The following PCNX2 variants were observed in gnomAD, a reference collection of about 807,000 sequenced individuals.
PCNX2 encodes pecanex 2, also known as pecanex-like protein 2.
PCNX2 carries 168 observed loss-of-function variants against 223.8 expected under a neutral mutation model. The observed-to-expected ratio is 0.75, with a 90% CI of 0.66 to 0.85. The LOEUF (loss-of-function observed/expected upper bound fraction) is 0.85. Among genes scored for constraint, PCNX2 ranks in the 40% least tolerant of loss-of-function variants. The pLI, the probability that PCNX2 is intolerant of heterozygous loss-of-function variation, is 0.00. For missense variants in PCNX2, 2,507 were observed against 2,675.5 expected, an observed-to-expected ratio of 0.94 and a Z score of 1.39; for synonymous variants, 1,006 against 1,052.6, an observed-to-expected ratio of 0.96 and a Z score of 0.86.
At chr1:233,017,377 G>A (rs1340454895) in intron 26 of PCNX2, among the ~76,000 whole-genome samples, 3 of 143,576 alleles carry the variant, frequency 2.1e-5, no homozygotes, top group Non-Finnish European at 4.5e-5. Context: ...GAGTGCAGCG[G>A]TGCGATCTCG....
intron 23 of PCNX2, among the ~76,000 whole-genome samples, chr1:233,077,981 A>T (rs1673173154): frequency 6.6e-6 from 1 of 152,234 alleles, no homozygotes; most frequent in Admixed American, 6.5e-5. Context: ...TATTCACATT[A>T]TATATTAATT....
chr1:233,116,124 G>A (rs1675392950), intron 21 of PCNX2, among the ~76,000 whole-genome samples: 1 of 151,768 alleles, frequency 6.6e-6, no homozygotes, highest in African/African-American at 2.4e-5. Flanking sequence ...TGCAAAATAT[G>A]TGAAGCAGGA....
chr1:233,273,292 T>C (rs1660742033), intron 1 of PCNX2, among the ~76,000 whole-genome samples: 1 of 152,002 alleles, frequency 6.6e-6, no homozygotes, highest in Non-Finnish European at 1.5e-5. Flanking sequence ...CACATTCTGC[T>C]TAACAAACAA....
chr1:233,067,069 A>G (rs1234519488), intron 23 of PCNX2, among the ~76,000 whole-genome samples: 1 of 152,098 alleles, frequency 6.6e-6, no homozygotes, highest in Admixed American at 6.6e-5. Flanking sequence ...AAAGTAACAA[A>G]GCAGCAACCC....
intron 23 of PCNX2, among the ~76,000 whole-genome samples, chr1:233,079,467 G>A (rs1558211344): frequency 6.7e-6 from 1 of 148,262 alleles, no homozygotes. Flanking sequence ...GGAGGAGGTT[G>A]CAATGAGCCG....
intron 8 of PCNX2, among the ~76,000 whole-genome samples, chr1:233,239,215 G>T (rs917792789): frequency 2.0e-5 from 3 of 152,144 alleles, no homozygotes; most frequent in Non-Finnish European, 2.9e-5. Context: ...GTACGCTTCT[G>T]TGCAAAAAAG....
At chr1:233,291,083 T>G in intron 1 of PCNX2, 1 of 985,382 alleles carries the variant, frequency 1.0e-6, no homozygotes. Flanking sequence ...TGCTCTTATA[T>G]GTAGTATGTC....
intron 19 of PCNX2, among the ~76,000 whole-genome samples, chr1:233,146,439 C>T (rs1239604932): frequency 6.6e-6 from 1 of 152,182 alleles, no homozygotes; most frequent in Non-Finnish European, 1.5e-5. Context: ...TATTAAACAA[C>T]ATTTCCTATT....
intron 24 of PCNX2, among the ~76,000 whole-genome samples, chr1:233,055,990 G>A (rs1290552273): frequency 5.3e-5 from 8 of 152,102 alleles, no homozygotes; most frequent in Admixed American, 5.2e-4. Flanking sequence ...TATCTTTGCT[G>A]GCCACTCATG....
chr1:233,250,537 C>T (rs1659391994), intron 8 of PCNX2: 1 of 981,034 alleles, frequency 1.0e-6, no homozygotes, highest in African/African-American at 1.7e-5. Context: ...TTTTTGGAAG[C>T]AGCAACAATG....
chr1:233,288,411 T>A lies in PCNX2; in HGVS notation c.153+6915A>T, dbSNP rs373210799. On this transcript the variant is annotated intron_variant, in intron 1 of 33. Transcript: ENST00000258229. Reference sequence around the variant, plus strand: ...CTGGGAGTGGGGCAGGAGACATAAGTTTAACTACTAGAAAATTTGTCATGA... The same window carrying A: ...CTGGGAGTGGGGCAGGAGACATAAGATTAACTACTAGAAAATTTGTCATGA... Among the ~76,000 whole-genome samples, 5 of 151,832 alleles carry A rather than the reference T, an allele frequency of 3.3e-5. No homozygotes were observed. In the East Asian group the frequency reaches 5.8e-4, roughly 18 times the overall value.
At chr1:233,112,807 C>G in intron 21 of PCNX2, 1 of 1,243,480 alleles carries the variant, frequency 8.0e-7, no homozygotes, top group Non-Finnish European at 1.0e-6. Flanking sequence ...ACATGCTAGG[C>G]TTGATGTCCC....
intron 14 of PCNX2, 65 bp from the exon 15 acceptor site, chr1:233,199,095 C>G (rs1680906608): frequency 7.0e-7 from 1 of 1,422,200 alleles, no homozygotes; most frequent in African/African-American, 1.4e-5. Context: ...AAATGTAAAA[C>G]AGTGAAGAGA....
At chr1:233,017,969 G>C (rs1253567744) in intron 26 of PCNX2, among the ~76,000 whole-genome samples, 1 of 152,168 alleles carries the variant, frequency 6.6e-6, no homozygotes, top group African/African-American at 2.4e-5. Flanking sequence ...TGCCTCCAGA[G>C]ACCTAGCCAA....
chr1:233,207,118 G>A (rs141916711), intron 13 of PCNX2, among the ~76,000 whole-genome samples: 68 of 152,246 alleles, frequency 4.5e-4, no homozygotes, highest in African/African-American at 1.6e-3. Context: ...CTTGTGGTGG[G>A]TTGGGCACTG....
chr1:233,294,316 T>C lies in PCNX2; in HGVS notation c.153+1010A>G, dbSNP rs1661941347. Among the ~76,000 whole-genome samples the C allele has an allele frequency of 1.3e-5, 2 of 152,328 alleles. 1 individual carries two copies. The highest frequency in any genetic ancestry group is 6.8e-3 in the Middle Eastern group (2 of 294). ...AGATAAGAAAATGAAAAATGAGATA[T>C]GGTAAATAACCTCCCCAAGGTCACA... On this transcript the variant is annotated intron_variant, in intron 1 of 33. Coordinates refer to ENST00000258229, the MANE Select transcript of PCNX2 (RefSeq NM_014801.4).
Position 233,058,908 on chromosome 1 carries a change from C to A in PCNX2, c.4077-1618G>T, listed in dbSNP as rs996655038. Among the ~76,000 whole-genome samples the A allele has an allele frequency of 2.0e-5, 3 of 152,164 alleles. No individual in the cohort carries two copies. In the South Asian group the frequency reaches 6.2e-4, roughly 32 times the overall value. On this transcript the variant is annotated intron_variant, in intron 23 of 33. Coordinates refer to ENST00000258229, the MANE Select transcript of PCNX2 (RefSeq NM_014801.4). Reference sequence around the variant, plus strand: ...TCGCTCTCTCGACCTCATGATCCACCTGCCTTGGCCTCCCAAAGTGCTGGG... The same window carrying A: ...TCGCTCTCTCGACCTCATGATCCACATGCCTTGGCCTCCCAAAGTGCTGGG...
intron 8 of PCNX2, among the ~76,000 whole-genome samples, chr1:233,243,807 CAT>C (rs1367160733): frequency 2.2e-4 from 34 of 152,206 alleles, no homozygotes; most frequent in African/African-American, 7.0e-4. Context: ...CTAAGCACTG[CAT>C]GTGTACTATC....
At chr1:233,024,303 T>C (rs1671008268) in intron 26 of PCNX2, among the ~76,000 whole-genome samples, 1 of 152,236 alleles carries the variant, frequency 6.6e-6, no homozygotes, top group African/African-American at 2.4e-5. Flanking sequence ...TTCTTATTTC[T>C]GCTGGACCAC....
Sources: allele counts gnomAD v4.1 joint callset (sites outside exome capture counted in the v4.1 genomes callset), GRCh38; gene constraint gnomAD v4.1.1; transcripts MANE v1.5; gene names NCBI Gene and HGNC (gene_info 2026-07-23, HGNC 2026-07-21).